Variants in NBAS observed in about 807,000 individuals in gnomAD.
NBAS encodes the protein NAG/BC035112 fusion.
In NBAS, 219 loss-of-function variants were observed where a neutral mutation model predicts 302.5. That is an observed-to-expected ratio of 0.72 (90% CI 0.65 to 0.81). The LOEUF is 0.81. NBAS is among the 30% of genes least tolerant of loss of function. The pLI, the probability that NBAS is intolerant of heterozygous loss-of-function variation, is 0.00. For missense variants in NBAS, 2,932 were observed against 2,841.6 expected (o/e 1.03, Z -0.72); for synonymous variants, 1,118 against 1,021.6 (o/e 1.09, Z -1.80).
At chr2:15,541,442 A>G (rs1003005104) in intron 6 of NBAS, among the ~76,000 whole-genome samples, 1 of 152,166 alleles carries the variant, frequency 6.6e-6, no homozygotes, top group African/African-American at 2.4e-5. Flanking sequence ...TATCTACCTA[A>G]AAGAAATAAT....
downstream of NBAS, among the ~76,000 whole-genome samples, chr2:15,163,089 C>T (rs529595060): frequency 3.3e-5 from 5 of 152,368 alleles, no homozygotes; most frequent in African/African-American, 2.4e-5. Context: ...AAACGACCTC[C>T]ACTCCAGATC....
At chr2:15,433,460 T>C (rs1330319139) in intron 21 of NBAS, among the ~76,000 whole-genome samples, 9 of 152,328 alleles carry the variant, frequency 5.9e-5, no homozygotes, top group African/African-American at 1.9e-4. Context: ...ATGACTCTGG[T>C]TGACATTTCA....
At position 15,308,313 on chromosome 2, in the gene NBAS, G is replaced by A. The variant is rs760710490; in HGVS notation, c.4700C>T (p.Ser1567Phe). The change falls in exon 40 of 52, where the codon TCT becomes TTT. Residue 1567 changes from serine (S) to phenylalanine (F), a missense_variant. Coordinates refer to ENST00000281513, the MANE Select transcript of NBAS (RefSeq NM_015909.4). ...CGCTGCCAGCTGGAGAGATAATGCA[G>A]AGGGGGACTGCTTTTCAAAGCACCG... is the stretch of plus-strand genomic sequence containing the variant. ...ANRCFEKQSP[S>F]ALSLQLAAYY... 2 of 1,614,200 alleles carry A rather than the reference G, an allele frequency of 1.2e-6. No individual in the cohort carries two copies. The highest frequency in any genetic ancestry group is 1.7e-6 in the Non-Finnish European group (2 of 1,180,032).
At chr2:15,543,001 T>C (rs931615605) in intron 6 of NBAS, among the ~76,000 whole-genome samples, 3 of 152,230 alleles carry the variant, frequency 2.0e-5, no homozygotes, top group Non-Finnish European at 2.9e-5. Context: ...AAATAAAGAC[T>C]TTATCACTGG....
chr2:14,956,069 C>G, the NBAS span, among the ~76,000 whole-genome samples: 2 of 152,274 alleles, frequency 1.3e-5, no homozygotes, highest in African/African-American at 4.8e-5. Flanking sequence ...AAATTTCTTT[C>G]ACCAGATGCA....
At chr2:15,483,321 C>T (rs1403585977) in intron 12 of NBAS, 4 of 426,270 alleles carry the variant, frequency 9.4e-6, no homozygotes, top group Non-Finnish European at 1.9e-5. Context: ...CATCAACTGC[C>T]ATCTTCCCAC....
At chr2:15,003,605 G>T in the NBAS span, among the ~76,000 whole-genome samples, 1 of 152,178 alleles carries the variant, frequency 6.6e-6, no homozygotes, top group Non-Finnish European at 1.5e-5. Flanking sequence ...TCTCTTTAAA[G>T]GTGAGCCACT....
chr2:14,896,856 T>C, the NBAS span, among the ~76,000 whole-genome samples: 11 of 152,316 alleles, frequency 7.2e-5, 1 homozygote, highest in East Asian at 2.1e-3. Flanking sequence ...ATAAGCATTT[T>C]AATGTAAATA....
At chr2:15,109,918 T>C in the NBAS span, among the ~76,000 whole-genome samples, 4 of 152,176 alleles carry the variant, frequency 2.6e-5, no homozygotes, top group Admixed American at 1.3e-4. Flanking sequence ...TAGTGTTTAT[T>C]GTCCATTCAA....
Position 15,424,300 on chromosome 2 carries a change from G to A in NBAS, c.2577+15C>T. On this transcript the variant is annotated intron_variant, in intron 23 of 51. Coordinates refer to ENST00000281513, the MANE Select transcript of NBAS (RefSeq NM_015909.4). ...CCACTAACATTACTGAGCAGCAGCT[G>A]CCATTTCCCCTCACCTGCCGAGCAT... 6.2e-7 allele frequency: 1 copy of A among 1,613,886 alleles called. No homozygotes were observed. Among genetic ancestry groups the A allele is most frequent in the Non-Finnish European group, 8.5e-7 (1 of 1,179,852 alleles).
chr2:14,899,337 T>G, the NBAS span, among the ~76,000 whole-genome samples: 2 of 151,032 alleles, frequency 1.3e-5, no homozygotes, highest in South Asian at 4.2e-4. Context: ...AGCCTGTGTT[T>G]TGCACACAGA....
At chr2:14,839,433 A>G in the NBAS span, among the ~76,000 whole-genome samples, 1 of 152,130 alleles carries the variant, frequency 6.6e-6, no homozygotes, top group East Asian at 1.9e-4. Context: ...GAGAAGAGAA[A>G]TATCCCTGAG....
the NBAS span, among the ~76,000 whole-genome samples, chr2:14,994,753 C>T: frequency 2.0e-5 from 3 of 152,184 alleles, no homozygotes; most frequent in East Asian, 1.9e-4. Flanking sequence ...GGATTGTGGG[C>T]TCTGCCAGGA....
At chr2:15,542,967 G>A (rs10184585) in intron 6 of NBAS, among the ~76,000 whole-genome samples, 97,049 of 152,174 alleles carry the variant, frequency 0.64, 31,678 homozygotes, top group Non-Finnish European at 0.68. Context: ...TCATTACAAG[G>A]TAAGATTTCA....
chr2:15,530,336 C>A (rs573655819), intron 9 of NBAS, among the ~76,000 whole-genome samples: 1 of 151,938 alleles, frequency 6.6e-6, no homozygotes, highest in African/African-American at 2.4e-5. Flanking sequence ...TTTAAAAGAA[C>A]TAAAGAGAAC....
the NBAS span, among the ~76,000 whole-genome samples, chr2:14,791,123 G>A: frequency 6.6e-6 from 1 of 152,094 alleles, no homozygotes; most frequent in Non-Finnish European, 1.5e-5. Flanking sequence ...CCAAAGTGCT[G>A]GGATTACAGG....
At chr2:15,192,752 A>T (rs1572424539) in intron 48 of NBAS, among the ~76,000 whole-genome samples, 1 of 152,290 alleles carries the variant, frequency 6.6e-6, no homozygotes, top group East Asian at 1.9e-4. Flanking sequence ...TCTAAAATCC[A>T]TTGTAAGAAG....
chr2:14,870,522 G>A, the NBAS span, among the ~76,000 whole-genome samples: 130 of 152,284 alleles, frequency 8.5e-4, no homozygotes, highest in Non-Finnish European at 1.5e-3. Context: ...TATTGCCTCA[G>A]CAGTGGGCCA....
At chr2:14,871,341 GGT>G in the NBAS span, among the ~76,000 whole-genome samples, 21 of 152,042 alleles carry the variant, frequency 1.4e-4, no homozygotes, top group Admixed American at 1.0e-3. Context: ...AAGACACAAA[GGT>G]GTTTTCAGAC....
Sources: allele counts gnomAD v4.1 joint callset (sites outside exome capture counted in the v4.1 genomes callset), GRCh38; gene constraint gnomAD v4.1.1; transcripts MANE v1.5; gene names NCBI Gene and HGNC (gene_info 2026-07-23, HGNC 2026-07-21).